Variants in ATP8B1 observed in about 807,000 individuals in gnomAD.
ATP8B1 encodes the protein phospholipid-transporting ATPase IC.
ATP8B1 carries 80 observed loss-of-function variants against 149.9 expected under a neutral mutation model. That is an observed-to-expected ratio of 0.53 (90% CI 0.45 to 0.64). The LOEUF is 0.64. Among genes scored for constraint, ATP8B1 ranks in the 30% least tolerant of loss-of-function variants. The probability of loss-of-function intolerance (pLI) is 0.00; values close to 1 mark genes in which losing one functional copy is unlikely to be tolerated. For synonymous variants in ATP8B1, 536 were observed against 562.8 expected, an observed-to-expected ratio of 0.95 and a Z score of 0.67; for missense variants, 1,247 against 1,552.6, an observed-to-expected ratio of 0.80 and a Z score of 3.31.
rs1239758621 is a variant in ATP8B1, at chr18:57,661,325, G to C, written c.2556C>G (p.Asn852Lys). 1 of 1,613,838 alleles carries C rather than the reference G, an allele frequency of 6.2e-7. No individual in the cohort carries two copies. The highest frequency in any genetic ancestry group is 8.5e-7 in the Non-Finnish European group (1 of 1,180,016). The change falls in exon 22 of 28, where the codon AAC becomes AAG. Residue 852 changes from asparagine (N) to lysine (K), a missense_variant. Transcript: ENST00000648908. ...TGCACTCGCAGGCCAGGTCCACAAA[G>C]TTTTTCTGCCGCTGCTCTTTCTTAG... Reference protein sequence around the residue: ...LEAKKEQRQKNFVDLACECSA... With the variant: ...LEAKKEQRQKKFVDLACECSA...
At chr18:57,718,468 T>A (rs1347952878) in intron 2 of ATP8B1, among the ~76,000 whole-genome samples, 1 of 152,130 alleles carries the variant, frequency 6.6e-6, no homozygotes, top group African/African-American at 2.4e-5. Flanking sequence ...CAATCTATTC[T>A]AAAATAAACA....
chr18:57,686,232 C>G (rs886422216), intron 13 of ATP8B1, among the ~76,000 whole-genome samples: 13 of 152,232 alleles, frequency 8.5e-5, no homozygotes, highest in African/African-American at 3.1e-4. Context: ...CCACTGCACT[C>G]CAGCCTGGTG....
At chr18:57,733,705 CAAAAAAAA>C (rs141146206) in intron 1 of ATP8B1, among the ~76,000 whole-genome samples, 5 of 95,176 alleles carry the variant, frequency 5.3e-5, no homozygotes, top group Non-Finnish European at 6.3e-5. Context: ...GACTCCATCT[CAAAAAAAA>C]AAAAAAAAAA....
intron 22 of ATP8B1, among the ~76,000 whole-genome samples, chr18:57,657,645 C>T (rs1910095033): frequency 6.6e-6 from 1 of 152,238 alleles, no homozygotes; most frequent in South Asian, 2.1e-4. Flanking sequence ...TTTGAAAACA[C>T]ACAAATATTT....
At chr18:57,664,698 T>C (rs1263409280) in intron 20 of ATP8B1, among the ~76,000 whole-genome samples, 1 of 152,166 alleles carries the variant, frequency 6.6e-6, no homozygotes, top group African/African-American at 2.4e-5. Context: ...CACTTTCATG[T>C]GATAGAAAAA....
chr18:57,722,991 C>T (rs955997743), intron 2 of ATP8B1, among the ~76,000 whole-genome samples: 13 of 150,268 alleles, frequency 8.7e-5, no homozygotes, highest in African/African-American at 3.2e-4. Context: ...GAGCCAAAGA[C>T]AAAAACCACA....
At chr18:57,737,980 A>AG (rs2079875063) in intron 1 of ATP8B1, 1 of 152,216 alleles carries the variant, frequency 6.6e-6, no homozygotes, top group South Asian at 2.1e-4. Flanking sequence ...ACTTCTCTGC[A>AG]GTGTGCATGT....
In ATP8B1 at chr18:57,661,700, T is replaced by C. The variant is rs62094222; in HGVS notation, c.2419-238A>G. ...ATACACACACACACACACACACATA[T>C]ATATATATATATATTTTTTTTTTTT... On this transcript the variant is annotated intron_variant, in intron 21 of 27. Transcript: ENST00000648908. Among the ~76,000 whole-genome samples, 100 of 63,988 alleles carry C rather than the reference T, an allele frequency of 1.6e-3. 1 individual carries two copies. The highest frequency in any genetic ancestry group is 8.8e-3 in the Middle Eastern group (1 of 114). The allele number at this position is 63,988 out of a possible 152,430, so 42.0% of individuals were successfully genotyped here. A position where few individuals can be genotyped will look rare whatever the true frequency, so the allele number is the denominator to read the frequency against.
intron 1 of ATP8B1, among the ~76,000 whole-genome samples, chr18:57,736,003 G>A (rs2079850957): frequency 1.5e-5 from 2 of 129,640 alleles, no homozygotes; most frequent in African/African-American, 6.2e-5. Context: ...GCCCCAGTGT[G>A]TGATGTTCCC....
chr18:57,675,298 G>T (rs1005140977), intron 15 of ATP8B1, among the ~76,000 whole-genome samples: 3 of 152,198 alleles, frequency 2.0e-5, no homozygotes, highest in African/African-American at 7.2e-5. Flanking sequence ...GAAACAACAG[G>T]TGTTGACATT....
intron 1 of ATP8B1, among the ~76,000 whole-genome samples, chr18:57,739,578 A>G (rs2079890543): frequency 6.6e-6 from 1 of 152,144 alleles, no homozygotes; most frequent in African/African-American, 2.4e-5. Flanking sequence ...TCAACTTTCA[A>G]TAAAGTCTTC....
At chr18:57,792,444 G>A (rs894064187) in intron 1 of ATP8B1, among the ~76,000 whole-genome samples, 17 of 151,980 alleles carry the variant, frequency 1.1e-4, no homozygotes, top group Non-Finnish European at 2.2e-4. Context: ...CACCACACCC[G>A]ACCGTAATAT....
intron 1 of ATP8B1, among the ~76,000 whole-genome samples, chr18:57,754,736 T>C (rs2080061509): frequency 6.6e-6 from 1 of 152,162 alleles, no homozygotes. Flanking sequence ...AAATTTACTT[T>C]CGTGTGTTGA....
chr18:57,733,238 C>T (rs1269856358), intron 1 of ATP8B1, among the ~76,000 whole-genome samples: 2 of 152,116 alleles, frequency 1.3e-5, no homozygotes, highest in East Asian at 1.9e-4. Context: ...GACAGCAGCT[C>T]GCATTTATTT....
chr18:57,655,040 G>A (rs906209307), intron 23 of ATP8B1, among the ~76,000 whole-genome samples, 154 bp downstream of exon 23: 2 of 152,164 alleles, frequency 1.3e-5, no homozygotes, highest in Non-Finnish European at 2.9e-5. Flanking sequence ...AACATTTAGA[G>A]AAGTCATGAT....
chr18:57,734,189 TTTATTA>T (rs1377627778), intron 1 of ATP8B1: 1 of 152,136 alleles, frequency 6.6e-6, no homozygotes, highest in South Asian at 2.1e-4. Flanking sequence ...CATACATTAT[TTTATTA>T]TTATTATCTT....
chr18:57,701,041 G>A lies in ATP8B1; in HGVS notation c.552C>T (p.Gly184=). 1 of 1,613,522 alleles carries A rather than the reference G, an allele frequency of 6.2e-7. No homozygotes were observed. Among genetic ancestry groups the A allele is most frequent in the Non-Finnish European group, 8.5e-7 (1 of 1,179,416 alleles). The part of the protein sequence containing the change: ...NNRTCEVIKD[G]RFKVAKWKEI... Reference sequence around the variant, plus strand: ...CAGTTACTAATTAGACACAGTACCTGCCATCCTTAATGACTTCACACGTCC... The same window carrying A: ...CAGTTACTAATTAGACACAGTACCTACCATCCTTAATGACTTCACACGTCC... Residue 184 remains glycine, a splice_region_variant and synonymous_variant, in exon 6 of 28, where the codon GGC becomes GGT. Transcript: ENST00000648908.
At chr18:57,768,710 A>G (rs1362959806) in intron 1 of ATP8B1, among the ~76,000 whole-genome samples, 2 of 152,182 alleles carry the variant, frequency 1.3e-5, no homozygotes, top group Non-Finnish European at 2.9e-5. Context: ...AATAAAATGC[A>G]AGAGACGGTT....
At chr18:57,658,073 G>A (rs1366647344) in intron 22 of ATP8B1, among the ~76,000 whole-genome samples, 1 of 150,850 alleles carries the variant, frequency 6.6e-6, no homozygotes, top group South Asian at 2.1e-4. Flanking sequence ...TTGAGATGGA[G>A]TCTTTTTCTG....
Sources: gnomAD v4.1 joint callset for allele counts (sites outside exome capture counted in the v4.1 genomes callset) on GRCh38, gnomAD v4.1.1 for gene constraint, MANE v1.5 for transcripts, NCBI Gene and HGNC (gene_info 2026-07-23, HGNC 2026-07-21) for gene names.